MAML2: variants seen among roughly 807,000 people sequenced by gnomAD.
MAML2 encodes mastermind-like protein 2.
Under a neutral mutation model 96.1 loss-of-function variants are expected in MAML2, and 22 were observed. That is an observed-to-expected ratio of 0.23 (90% CI 0.16 to 0.33). MAML2 has a LOEUF of 0.33. Ranked by LOEUF, MAML2 falls within the 10% of genes least tolerant of loss-of-function variation. The probability of loss-of-function intolerance (pLI) is 1.00; values close to 1 mark genes in which losing one functional copy is unlikely to be tolerated. For missense variants in MAML2, 1,367 were observed against 1,392.4 expected, an observed-to-expected ratio of 0.98 and a Z score of 0.29; for synonymous variants, 561 against 521.3, an observed-to-expected ratio of 1.08 and a Z score of -1.04.
intron 1 of MAML2, among the ~76,000 whole-genome samples, chr11:96,115,130 T>C (rs1860211907): frequency 6.6e-6 from 1 of 151,746 alleles, no homozygotes; most frequent in Non-Finnish European, 1.5e-5. Context: ...ATTAAATGTT[T>C]GGTGCTGTGA....
intron 2 of MAML2, among the ~76,000 whole-genome samples, chr11:96,089,833 A>G (rs1171428659): frequency 6.6e-6 from 1 of 151,626 alleles, no homozygotes; most frequent in Non-Finnish European, 1.5e-5. Flanking sequence ...ATACTGCCAC[A>G]TTTCCACCAC....
intron 1 of MAML2, among the ~76,000 whole-genome samples, chr11:96,183,171 C>T (rs1202140050): frequency 6.6e-6 from 1 of 151,952 alleles, no homozygotes; most frequent in Non-Finnish European, 1.5e-5. Flanking sequence ...GTTGGCCAGG[C>T]TGGTTTTGAA....
At chr11:96,024,952 G>T (rs1858493002) in intron 2 of MAML2, among the ~76,000 whole-genome samples, 2 of 152,168 alleles carry the variant, frequency 1.3e-5, no homozygotes, top group African/African-American at 4.8e-5. Flanking sequence ...CTGCTGGTGG[G>T]AATGTAAATA....
At chr11:96,222,714 C>A (rs1324736828) in intron 1 of MAML2, among the ~76,000 whole-genome samples, 1 of 152,126 alleles carries the variant, frequency 6.6e-6, no homozygotes, top group Non-Finnish European at 1.5e-5. Flanking sequence ...CAAAGAACAT[C>A]TTGTAATATT....
chr11:96,255,022 C>A (rs77339252), intron 1 of MAML2, among the ~76,000 whole-genome samples: 4,918 of 152,106 alleles, frequency 0.032, 103 homozygotes, highest in South Asian at 0.063. Flanking sequence ...GGGGTTTCCC[C>A]AAGTTGCCCA....
intron 1 of MAML2, among the ~76,000 whole-genome samples, chr11:96,321,731 G>C (rs1369738276): frequency 6.6e-6 from 1 of 152,206 alleles, no homozygotes; most frequent in Non-Finnish European, 1.5e-5. Flanking sequence ...GAGCCATTCT[G>C]TTCTGGTCAA....
chr11:96,056,805 A>G (rs930076077), intron 2 of MAML2, among the ~76,000 whole-genome samples: 1 of 152,168 alleles, frequency 6.6e-6, no homozygotes, highest in Non-Finnish European at 1.5e-5. Flanking sequence ...GCTACCATTC[A>G]CAATACACCA....
intron 1 of MAML2, among the ~76,000 whole-genome samples, chr11:96,168,706 A>T (rs1861232385): frequency 6.6e-6 from 1 of 152,182 alleles, no homozygotes; most frequent in Admixed American, 6.5e-5. Flanking sequence ...CAGGGACTGG[A>T]GAAATCCTGC....
chr11:96,009,282 C>T (rs943035088), intron 2 of MAML2, among the ~76,000 whole-genome samples: 6 of 152,152 alleles, frequency 3.9e-5, no homozygotes, highest in African/African-American at 1.4e-4. Context: ...AATATTTTCT[C>T]ACGTATTTTC....
chr11:96,242,451 G>T (rs1364623501), intron 1 of MAML2, among the ~76,000 whole-genome samples: 1 of 152,144 alleles, frequency 6.6e-6, no homozygotes, highest in African/African-American at 2.4e-5. Context: ...TTTCCTTAAG[G>T]CTGTAAATAA....
intron 1 of MAML2, among the ~76,000 whole-genome samples, chr11:96,148,614 G>A (rs1366738991): frequency 1.3e-5 from 2 of 149,098 alleles, no homozygotes; most frequent in Non-Finnish European, 3.0e-5. Context: ...AATATGAAGT[G>A]GGGAAATGTC....
At position 96,134,703 on chromosome 11, in the gene MAML2, T is replaced by C. The variant is rs939887126; in HGVS notation, c.514-41186A>G. ...TTACTTACCACATTGTGGTAAAAAG[T>C]AAGTGGCATGTTTCAACTAATCCAG... On this transcript the variant is annotated intron_variant, in intron 1 of 4. Transcript: ENST00000524717. 5.3e-5 allele frequency among the ~76,000 whole-genome samples: 8 copies of C among 152,354 alleles called. No individual in the cohort carries two copies. In the South Asian group the frequency reaches 8.3e-4, roughly 16 times the overall value.
intron 1 of MAML2, among the ~76,000 whole-genome samples, chr11:96,234,471 A>C (rs1862339737): frequency 6.6e-6 from 1 of 152,156 alleles, no homozygotes; most frequent in African/African-American, 2.4e-5. Context: ...ACAATAGCAA[A>C]ACTCCATCTC....
At chr11:96,170,239 C>A (rs1007907931) in intron 1 of MAML2, among the ~76,000 whole-genome samples, 2 of 152,142 alleles carry the variant, frequency 1.3e-5, no homozygotes, top group Non-Finnish European at 2.9e-5. Flanking sequence ...GGAATCCCAG[C>A]CTTTTATTAT....
intron 1 of MAML2, among the ~76,000 whole-genome samples, chr11:96,154,122 C>G (rs1027061773): frequency 6.6e-6 from 1 of 152,122 alleles, no homozygotes; most frequent in East Asian, 1.9e-4. Context: ...ACTACTTTAA[C>G]AAAGCTTCTC....
At chr11:96,202,177 CAAAAAAAAA>C (rs35124521) in intron 1 of MAML2, among the ~76,000 whole-genome samples, 9 of 75,876 alleles carry the variant, frequency 1.2e-4, no homozygotes, top group Non-Finnish European at 2.2e-4. Flanking sequence ...ACTAAAAATA[CAAAAAAAAA>C]AAAAAAAAAA....
intron 1 of MAML2, among the ~76,000 whole-genome samples, chr11:96,191,498 G>A (rs1188743310): frequency 1.6e-5 from 2 of 121,460 alleles, no homozygotes; most frequent in Non-Finnish European, 3.7e-5. Flanking sequence ...AAAAAGGGCC[G>A]GGAGCGGTGG....
At chr11:96,244,771 T>C (rs1862489018) in intron 1 of MAML2, among the ~76,000 whole-genome samples, 1 of 152,124 alleles carries the variant, frequency 6.6e-6, no homozygotes, top group Admixed American at 6.6e-5. Flanking sequence ...CTCAGAGCAA[T>C]CACACACTAT....
At chr11:96,243,981 G>C (rs934763889) in intron 1 of MAML2, among the ~76,000 whole-genome samples, 1 of 152,194 alleles carries the variant, frequency 6.6e-6, no homozygotes, top group Non-Finnish European at 1.5e-5. Context: ...ACTCAGGTCC[G>C]CTGGCCTTCC....
Sources: allele counts gnomAD v4.1 joint callset (sites outside exome capture counted in the v4.1 genomes callset), GRCh38; gene constraint gnomAD v4.1.1; transcripts MANE v1.5; gene names NCBI Gene and HGNC (gene_info 2026-07-23, HGNC 2026-07-21).